Variants in DLGAP1 observed in about 807,000 individuals in gnomAD.
The protein encoded by DLGAP1 is disks large-associated protein 1.
In DLGAP1, 11 loss-of-function variants were observed where a neutral mutation model predicts 90.8. The ratio of observed to expected loss-of-function variants is 0.12; its 90% CI spans 0.08 to 0.20. DLGAP1 has a LOEUF of 0.20. Among genes scored for constraint, DLGAP1 ranks in the 10% least tolerant of loss-of-function variants. The pLI, the probability that DLGAP1 is intolerant of heterozygous loss-of-function variation, is 1.00. For missense variants in DLGAP1, 1,050 were observed against 1,333.8 expected (o/e 0.79, Z 3.31); for synonymous variants, 558 against 540.7 (o/e 1.03, Z -0.44).
chr18:3,656,659 C>A (rs182340805), intron 7 of DLGAP1, among the ~76,000 whole-genome samples: 2 of 151,940 alleles, frequency 1.3e-5, no homozygotes, highest in Non-Finnish European at 2.9e-5. Context: ...AGAGAGTGAA[C>A]GGGTTATCTG....
At position 3,711,817 on chromosome 18, in the gene DLGAP1, C is replaced by A. The variant is rs972131408; in HGVS notation, c.1591+17318G>T. ...TCATGCCACTGCACTCCAGTCTGGG[C>A]AACAGAGTGAGACCTTGTCTCAAAA... On this transcript the variant is annotated intron_variant, in intron 7 of 12. Transcript: ENST00000315677. This position sits in a 1 kb window ranked among gnomAD's most constrained non-coding sequence, Gnocchi z 4.0. Among the ~76,000 whole-genome samples the A allele has an allele frequency of 1.3e-5, 2 of 151,596 alleles. No homozygotes were observed. Among genetic ancestry groups the A allele is most frequent in the Non-Finnish European group, 2.9e-5 (2 of 67,946 alleles).
rs1258028089 is a variant in DLGAP1 at position 4,449,198 on chromosome 18, CAATT to C, written c.-267+5804_-267+5807del. Among the ~76,000 whole-genome samples the C allele has an allele frequency of 3.9e-5, 6 of 152,270 alleles. No individual in the cohort carries two copies. The South Asian group carries it at 6.2e-4, about 16-fold the overall frequency. On this transcript the variant is annotated intron_variant, in intron 1 of 12. Transcript: ENST00000315677. ...CTTAAAGGGTCAGAATAAAGTAAGACAATTAATCTACTAATATGTTAATTTTGAA... is the reference window on the plus strand; with the variant it reads ...CTTAAAGGGTCAGAATAAAGTAAGACAATCTACTAATATGTTAATTTTGAA...
At chr18:3,991,779 A>C (rs1177995480) in intron 3 of DLGAP1, among the ~76,000 whole-genome samples, 2 of 152,232 alleles carry the variant, frequency 1.3e-5, no homozygotes, top group African/African-American at 4.8e-5. Flanking sequence ...TTCCACACAA[A>C]AAGAAAACTG....
chr18:4,167,383 T>A (rs1298996767), intron 1 of DLGAP1, among the ~76,000 whole-genome samples: 1 of 152,052 alleles, frequency 6.6e-6, no homozygotes, highest in African/African-American at 2.4e-5. Flanking sequence ...AAAGTAGACA[T>A]CAGAACAAGA....
chr18:4,283,383 G>A (rs189739851), intron 1 of DLGAP1, among the ~76,000 whole-genome samples: 6 of 152,190 alleles, frequency 3.9e-5, no homozygotes, highest in African/African-American at 9.7e-5. Flanking sequence ...GCAATATTAT[G>A]TAGCAAAAGG....
intron 4 of DLGAP1, among the ~76,000 whole-genome samples, chr18:3,868,866 C>A (rs2070568232): frequency 6.6e-6 from 1 of 152,104 alleles, no homozygotes; most frequent in Non-Finnish European, 1.5e-5. Flanking sequence ...GAATGATATA[C>A]CTGGCTTAGC....
intron 1 of DLGAP1, among the ~76,000 whole-genome samples, chr18:4,277,274 T>G (rs934034606): frequency 6.6e-6 from 1 of 152,204 alleles, no homozygotes. Flanking sequence ...TACATGGAAT[T>G]GCATAATGTT....
chr18:4,237,449 C>T lies in DLGAP1; in HGVS notation c.-266-86162G>A, dbSNP rs143871340. On this transcript the variant is annotated intron_variant, in intron 1 of 12. Transcript: ENST00000315677. ...GTGGAGAAATGAAAGACAGAAAAAA[C>T]GGTCAGGGTTAATGCCTTGATTCTG... Among the ~76,000 whole-genome samples, 224 of 152,086 alleles carry T rather than the reference C, an allele frequency of 1.5e-3. 1 individual carries two copies. The highest frequency in any genetic ancestry group is 5.3e-3 in the African/African-American group (218 of 41,496).
At chr18:4,296,596 T>C (rs979471214) in intron 1 of DLGAP1, among the ~76,000 whole-genome samples, 35 of 152,248 alleles carry the variant, frequency 2.3e-4, no homozygotes, top group African/African-American at 6.5e-4. Flanking sequence ...CTAAATCCTG[T>C]TGTGAAAACC....
chr18:4,287,172 C>A (rs867053525), intron 1 of DLGAP1, among the ~76,000 whole-genome samples: 2 of 152,106 alleles, frequency 1.3e-5, no homozygotes, highest in Non-Finnish European at 2.9e-5. Flanking sequence ...AACATATAAA[C>A]GTAAGTCTGA....
intron 1 of DLGAP1, among the ~76,000 whole-genome samples, chr18:4,197,188 TA>T (rs532844849): frequency 2.1e-3 from 158 of 73,752 alleles, no homozygotes; most frequent in East Asian, 4.5e-3. Context: ...TAAAAAAAAG[TA>T]AAAAAAAAAA....
chr18:3,599,160 G>C (rs2056760614), intron 7 of DLGAP1, among the ~76,000 whole-genome samples: 2 of 152,228 alleles, frequency 1.3e-5, no homozygotes, highest in Admixed American at 1.3e-4. Flanking sequence ...CTAGGAACCT[G>C]TGAAGTCAGT....
chr18:4,026,178 A>C (rs2074695968), intron 2 of DLGAP1, among the ~76,000 whole-genome samples: 1 of 152,240 alleles, frequency 6.6e-6, no homozygotes, highest in African/African-American at 2.4e-5. Flanking sequence ...ATGCAAAGTC[A>C]CTAGTTAGGT....
rs1194154019 is a variant in DLGAP1 at position 3,702,413 on chromosome 18, T to C, written c.1591+26722A>G. Among the ~76,000 whole-genome samples, 4 of 152,346 alleles carry C rather than the reference T, an allele frequency of 2.6e-5. No individual in the cohort carries two copies. In the East Asian group the frequency reaches 7.7e-4, roughly 29 times the overall value. On this transcript the variant is annotated intron_variant, in intron 7 of 12. Transcript: ENST00000315677. ...GAGTAAACATGTTTGGGAAATGTTA[T>C]CAAAACCAGGAAGGCATAAATTGCT...
At chr18:3,643,687 G>T (rs1398915934) in intron 7 of DLGAP1, among the ~76,000 whole-genome samples, 1 of 134,732 alleles carries the variant, frequency 7.4e-6, no homozygotes, top group Non-Finnish European at 1.6e-5. Context: ...AAAAAAAAAT[G>T]CTGAAGGATA....
chr18:3,971,527 T>C (rs2073448929), intron 3 of DLGAP1, among the ~76,000 whole-genome samples: 1 of 152,232 alleles, frequency 6.6e-6, no homozygotes, highest in Non-Finnish European at 1.5e-5. Flanking sequence ...CCTATTCTAT[T>C]CTTTTGTTTT....
chr18:4,040,855 C>T (rs7235002), intron 2 of DLGAP1, among the ~76,000 whole-genome samples: 114,752 of 152,128 alleles, frequency 0.75, 43,533 homozygotes, highest in South Asian at 0.83. Flanking sequence ...TTAACTTCTC[C>T]ATGTCAAGAA....
rs550301600 is a variant in DLGAP1, at chr18:3,917,317, TA to T, written c.-72-37178del. 1.9e-3 allele frequency among the ~76,000 whole-genome samples: 289 copies of T among 152,338 alleles called. 3 individuals carry two copies. The highest frequency in any genetic ancestry group is 6.7e-3 in the African/African-American group (280 of 41,584). On this transcript the variant is annotated intron_variant, in intron 3 of 12. Coordinates refer to ENST00000315677, the MANE Select transcript of DLGAP1 (RefSeq NM_004746.4). The stretch of plus-strand genomic sequence containing the variant: ...TGTTATAGAAGGCAGGGATTTGCAT[TA>T]GGGGCTGAGGACCCTGCAGACGGCA...
chr18:3,736,543 G>A lies in DLGAP1; in HGVS notation c.1350+5792C>T, dbSNP rs139522007. On this transcript the variant is annotated intron_variant, in intron 6 of 12. Transcript: ENST00000315677. ...AGATATAATGCACTTAAATTCTATA[G>A]TATTATAGCTTCTACTAATGATCTA... Among the ~76,000 whole-genome samples the A allele has an allele frequency of 6.6e-3, 1,007 of 152,232 alleles. 13 individuals carry two copies. Among genetic ancestry groups the A allele is most frequent in the African/African-American group, 0.022 (920 of 41,532 alleles).
Sources: allele counts gnomAD v4.1 joint callset (sites outside exome capture counted in the v4.1 genomes callset), GRCh38; gene constraint gnomAD v4.1.1; non-coding constraint Gnocchi (gnomAD v3.1); transcripts MANE v1.5; gene names NCBI Gene and HGNC (gene_info 2026-07-23, HGNC 2026-07-21).